The following KIAA1217 variants were observed in gnomAD, a reference collection of about 807,000 sequenced individuals.
KIAA1217 encodes KIAA1217.
KIAA1217 carries 88 observed loss-of-function variants against 163.9 expected under a neutral mutation model. The ratio of observed to expected loss-of-function variants is 0.54; its 90% CI spans 0.45 to 0.64. KIAA1217 has a LOEUF of 0.64. Ranked by LOEUF, KIAA1217 falls within the 30% of genes least tolerant of loss-of-function variation. The pLI is 0.00. For synonymous variants in KIAA1217, 903 were observed against 923.1 expected, an observed-to-expected ratio of 0.98 and a Z score of 0.39; for missense variants, 2,372 against 2,475.0, an observed-to-expected ratio of 0.96 and a Z score of 0.88.
At chr10:23,989,270 T>A (rs1286823088) in intron 1 of KIAA1217, among the ~76,000 whole-genome samples, 1 of 152,140 alleles carries the variant, frequency 6.6e-6, no homozygotes, top group African/African-American at 2.4e-5. Flanking sequence ...AGAAGACAGA[T>A]GAATAAAAGA....
intron 2 of KIAA1217, among the ~76,000 whole-genome samples, chr10:24,101,245 A>G (rs2062402635): frequency 6.6e-6 from 1 of 152,202 alleles, no homozygotes; most frequent in African/African-American, 2.4e-5. Flanking sequence ...AGCTGATGGG[A>G]CATCTGAGAA....
chr10:24,469,419 C>G (rs558436155), intron 5 of KIAA1217, among the ~76,000 whole-genome samples: 2 of 151,916 alleles, frequency 1.3e-5, no homozygotes, highest in Non-Finnish European at 2.9e-5. Flanking sequence ...ACCACTGCAC[C>G]GAGACCCTAG....
At chr10:24,239,192 TGCAAAAGAAAACAGCCCAGACATGGAGGG>T (rs1489328198) in intron 2 of KIAA1217, 2 of 985,132 alleles carry the variant, frequency 2.0e-6, no homozygotes, top group African/African-American at 3.5e-5. Flanking sequence ...TGGGAAAAAC[TGCAAAAGAAAACAGCCCAGACATGGAGGG>T]GGGTTTTACC....
intron 1 of KIAA1217, among the ~76,000 whole-genome samples, chr10:23,748,525 A>AGGAGAGGGGAGGGGAGGAGAGGAGAGG (rs1839543378): frequency 1.0e-5 from 1 of 97,270 alleles, no homozygotes. Flanking sequence ...GAGGAAAGGA[A>AGGAGAGGGGAGGGGAGGAGAGGAGAGG]GGAGAGGGGA....
intron 3 of KIAA1217, among the ~76,000 whole-genome samples, chr10:24,401,941 A>G (rs2056571200): frequency 6.6e-6 from 1 of 152,218 alleles, no homozygotes; most frequent in African/African-American, 2.4e-5. Context: ...AAAACACAGT[A>G]CCATTTACAG....
At chr10:23,739,407 A>G (rs1045932234) in intron 1 of KIAA1217, among the ~76,000 whole-genome samples, 1 of 152,180 alleles carries the variant, frequency 6.6e-6, no homozygotes, top group Admixed American at 6.5e-5. Context: ...AAAAAAGTAG[A>G]TAAAGATATA....
intron 8 of KIAA1217, among the ~76,000 whole-genome samples, chr10:24,496,811 C>G (rs2066843126): frequency 6.6e-6 from 1 of 152,180 alleles, no homozygotes. Flanking sequence ...TTTCTTTGTT[C>G]TAAAAACTCT....
chr10:24,434,157 C>A (rs1389146590), intron 4 of KIAA1217, among the ~76,000 whole-genome samples: 1 of 151,724 alleles, frequency 6.6e-6, no homozygotes, highest in Non-Finnish European at 1.5e-5. Flanking sequence ...CTGCCTCAGC[C>A]TCCCAAGTAG....
chr10:23,897,386 A>T (rs995027569), intron 1 of KIAA1217, among the ~76,000 whole-genome samples: 1 of 152,036 alleles, frequency 6.6e-6, no homozygotes, highest in Non-Finnish European at 1.5e-5. Context: ...TTCCCTTTGC[A>T]TGTCCTTTGC....
intron 2 of KIAA1217, among the ~76,000 whole-genome samples, chr10:24,371,239 T>A (rs557095167): frequency 6.6e-6 from 1 of 152,112 alleles, no homozygotes; most frequent in Non-Finnish European, 1.5e-5. Context: ...TGCCTTCTGA[T>A]CTGATAAGAA....
intron 2 of KIAA1217, among the ~76,000 whole-genome samples, chr10:24,201,788 T>G (rs1377132000): frequency 6.6e-6 from 1 of 152,168 alleles, no homozygotes; most frequent in Non-Finnish European, 1.5e-5. Flanking sequence ...AGCACGTGAC[T>G]GGCTTTCAAG....
At chr10:24,517,356 T>C (rs993556333) in intron 10 of KIAA1217, among the ~76,000 whole-genome samples, 4 of 152,172 alleles carry the variant, frequency 2.6e-5, no homozygotes, top group African/African-American at 9.7e-5. Flanking sequence ...AGAATGTTTC[T>C]AGCATGAAGA....
chr10:24,382,457 T>C (rs1433451556), intron 3 of KIAA1217, among the ~76,000 whole-genome samples: 1 of 152,154 alleles, frequency 6.6e-6, no homozygotes, highest in East Asian at 1.9e-4. Flanking sequence ...TTGTTATTAT[T>C]TGTATTATCA....
At chr10:24,380,721 G>C (rs575637517) in intron 2 of KIAA1217, 148 bp from the exon 3 acceptor site, 2 of 459,208 alleles carry the variant, frequency 4.4e-6, no homozygotes, top group African/African-American at 4.0e-5. Flanking sequence ...GACCCACTGG[G>C]TCTTTAGTTT....
intron 1 of KIAA1217, among the ~76,000 whole-genome samples, chr10:23,750,500 G>A (rs1482399370): frequency 2.6e-5 from 4 of 152,018 alleles, no homozygotes; most frequent in African/African-American, 9.7e-5. Flanking sequence ...GTCCTCTACG[G>A]TGGGCTTGGT....
chr10:23,810,941 GTATATAT>G (rs1358875876), intron 1 of KIAA1217, among the ~76,000 whole-genome samples: 26 of 109,066 alleles, frequency 2.4e-4, no homozygotes, highest in East Asian at 1.5e-3. Flanking sequence ...ATATACTATA[GTATATAT>G]TATATAATAT....
At chr10:24,486,081 A>G (rs187973704) in intron 6 of KIAA1217, among the ~76,000 whole-genome samples, 2 of 152,342 alleles carry the variant, frequency 1.3e-5, no homozygotes, top group African/African-American at 2.4e-5. Flanking sequence ...TCCTGGCTCC[A>G]GCCATTGCTC....
In KIAA1217 at chr10:23,789,379, C is replaced by T. The variant is rs551940922; in HGVS notation, c.-321+94145C>T. Among the ~76,000 whole-genome samples the T allele has an allele frequency of 7.9e-5, 12 of 152,226 alleles. No individual in the cohort carries two copies. The South Asian group carries it at 2.3e-3, about 29-fold the overall frequency. On this transcript the variant is annotated intron_variant, in intron 1 of 18. Coordinates refer to the KIAA1217 transcript ENST00000376462. ...GCATTTCCTTTTTCTCTAGACATAT[C>T]GTGCAGAATCTGCCATGAACGCAGG...
intron 1 of KIAA1217, among the ~76,000 whole-genome samples, chr10:23,818,047 AC>A (rs1837422210): frequency 7.8e-6 from 1 of 127,980 alleles, no homozygotes; most frequent in South Asian, 2.3e-4. Flanking sequence ...ACATATATAT[AC>A]ACATATATAT....
Sources: gnomAD v4.1 joint callset for allele counts (sites outside exome capture counted in the v4.1 genomes callset) on GRCh38, gnomAD v4.1.1 for gene constraint, MANE v1.5 for transcripts, NCBI Gene and HGNC (gene_info 2026-07-23, HGNC 2026-07-21) for gene names.